DOCK4: variants seen among roughly 807,000 people sequenced by gnomAD.
DOCK4 encodes dedicator of cytokinesis protein 4.
A neutral mutation model predicts 268.1 loss-of-function variants in DOCK4; 97 were observed. The observed-to-expected ratio is 0.36, with a 90% CI of 0.31 to 0.43. The LOEUF is 0.43. Ranked by LOEUF, DOCK4 falls within the 20% of genes least tolerant of loss-of-function variation. The pLI is 1.00. For missense variants in DOCK4, 2,145 were observed against 2,455.7 expected, an observed-to-expected ratio of 0.87 and a Z score of 2.67; for synonymous variants, 954 against 887.2, an observed-to-expected ratio of 1.08 and a Z score of -1.34.
chr7:112,110,791 G>A (rs1328246102), intron 1 of DOCK4, among the ~76,000 whole-genome samples: 1 of 152,150 alleles, frequency 6.6e-6, no homozygotes, highest in Non-Finnish European at 1.5e-5. Flanking sequence ...AGTATCCACT[G>A]CTTGGGGAAG....
At chr7:111,853,936 GGT>G (rs1804793131) in intron 23 of DOCK4, among the ~76,000 whole-genome samples, 2 of 148,464 alleles carry the variant, frequency 1.3e-5, no homozygotes, top group Admixed American at 6.7e-5. Context: ...GTTGTTGTTT[GGT>G]TTTTTTTTTG....
intron 1 of DOCK4, among the ~76,000 whole-genome samples, chr7:112,059,079 T>G (rs1456913529): frequency 6.6e-6 from 1 of 151,740 alleles, no homozygotes; most frequent in Non-Finnish European, 1.5e-5. Context: ...GCTACAATAA[T>G]GCTTTTAAGC....
intron 1 of DOCK4, among the ~76,000 whole-genome samples, chr7:112,079,210 C>T (rs1421656895): frequency 1.3e-5 from 2 of 152,082 alleles, no homozygotes; most frequent in African/African-American, 4.8e-5. Flanking sequence ...AAAAGTTATA[C>T]AAATACAAGT....
intron 26 of DOCK4, among the ~76,000 whole-genome samples, chr7:111,823,406 C>T (rs1393610087): frequency 6.6e-6 from 1 of 151,894 alleles, no homozygotes; most frequent in African/African-American, 2.4e-5. Flanking sequence ...CGGGGTTTCA[C>T]CATGTTGACC....
chr7:111,796,039 C>T (rs1448453235), intron 30 of DOCK4, among the ~76,000 whole-genome samples: 1 of 152,170 alleles, frequency 6.6e-6, no homozygotes, highest in African/African-American at 2.4e-5. Flanking sequence ...GACCAAGGTC[C>T]TCATGATCTC....
chr7:111,963,188 T>C (rs1309884130), intron 8 of DOCK4, among the ~76,000 whole-genome samples: 1 of 152,114 alleles, frequency 6.6e-6, no homozygotes, highest in African/African-American at 2.4e-5. Flanking sequence ...AAAAATTTAC[T>C]GTCTAGGAGG....
chr7:112,077,607 T>C (rs1414530406), intron 1 of DOCK4, among the ~76,000 whole-genome samples: 1 of 152,136 alleles, frequency 6.6e-6, no homozygotes, highest in Non-Finnish European at 1.5e-5. Flanking sequence ...TATAAAATCA[T>C]GTTTTAAACC....
chr7:111,749,776 C>T (rs964431130), intron 42 of DOCK4, among the ~76,000 whole-genome samples: 1 of 152,062 alleles, frequency 6.6e-6, no homozygotes, highest in African/African-American at 2.4e-5. Context: ...ACATCCAACC[C>T]CAGTATAATT....
At chr7:111,802,886 C>T (rs1563526088) in intron 30 of DOCK4, among the ~76,000 whole-genome samples, 1 of 152,074 alleles carries the variant, frequency 6.6e-6, no homozygotes, top group Non-Finnish European at 1.5e-5. Context: ...TTCTAGAGTA[C>T]TTTAAAGCAG....
At chr7:112,091,374 G>A (rs1427996127) in intron 1 of DOCK4, among the ~76,000 whole-genome samples, 2 of 152,114 alleles carry the variant, frequency 1.3e-5, no homozygotes, top group African/African-American at 4.8e-5. Flanking sequence ...AGATGTCTGG[G>A]CATTCCTAGG....
At position 111,739,109 on chromosome 7, in the gene DOCK4, A is replaced by G. The variant is rs1795710465; in HGVS notation, c.5232+25T>C. 6 of 1,581,874 alleles carry G rather than the reference A, an allele frequency of 3.8e-6. No homozygotes were observed. In the East Asian group the frequency reaches 1.3e-4, roughly 35 times the overall value. ...AATTCCAGAATTGTCCTTGTTTTCTAGTTTCTCTACCCTACAAGGAGTACC... is the reference window on the plus strand; with the variant it reads ...AATTCCAGAATTGTCCTTGTTTTCTGGTTTCTCTACCCTACAAGGAGTACC... On this transcript the variant is annotated intron_variant, in intron 49 of 52. Coordinates refer to ENST00000428084, the MANE Select transcript of DOCK4 (RefSeq NM_001363540.2).
chr7:112,037,861 T>A (rs904827436), intron 1 of DOCK4, among the ~76,000 whole-genome samples: 3 of 152,212 alleles, frequency 2.0e-5, no homozygotes, highest in Non-Finnish European at 4.4e-5. Context: ...CCACCAGGAC[T>A]GTATGAAAGT....
chr7:111,778,971 C>T lies in DOCK4; in HGVS notation c.3586-602G>A, dbSNP rs201050690. Reference sequence around the variant, plus strand: ...TTGGGAGGCTGAGGCAGGAGAATCGCTTGAACCCAGGAGGTGGAGGCTGCA... The same window carrying T: ...TTGGGAGGCTGAGGCAGGAGAATCGTTTGAACCCAGGAGGTGGAGGCTGCA... On this transcript the variant is annotated intron_variant, in intron 35 of 52. Coordinates refer to ENST00000428084, the MANE Select transcript of DOCK4 (RefSeq NM_001363540.2). Among the ~76,000 whole-genome samples, 35 of 152,116 alleles carry T rather than the reference C, an allele frequency of 2.3e-4. No homozygotes were observed. The East Asian group carries it at 5.8e-3, about 25-fold the overall frequency.
chr7:111,756,529 G>T (rs1797032340), intron 41 of DOCK4, among the ~76,000 whole-genome samples: 1 of 119,808 alleles, frequency 8.3e-6, no homozygotes, highest in African/African-American at 3.0e-5. Flanking sequence ...GTTAATAGAG[G>T]CAAATCTGTA....
intron 12 of DOCK4, among the ~76,000 whole-genome samples, chr7:111,917,237 C>T (rs530209845): frequency 2.5e-3 from 379 of 151,962 alleles, no homozygotes; most frequent in African/African-American, 8.8e-3. Flanking sequence ...CTGCCCTCCT[C>T]GGCCTCCCAA....
At chr7:112,074,817 A>C (rs984687768) in intron 1 of DOCK4, among the ~76,000 whole-genome samples, 1 of 152,202 alleles carries the variant, frequency 6.6e-6, no homozygotes, top group Non-Finnish European at 1.5e-5. Flanking sequence ...CCAGGCCCAC[A>C]GGGATCATCT....
intron 1 of DOCK4, among the ~76,000 whole-genome samples, chr7:112,133,200 C>T (rs1347073244): frequency 6.6e-6 from 1 of 152,080 alleles, no homozygotes; most frequent in African/African-American, 2.4e-5. Context: ...CATGTGGGTG[C>T]CTGCGGGAGC....
chr7:112,006,525 A>T (rs1387687765), intron 1 of DOCK4, among the ~76,000 whole-genome samples: 1 of 152,224 alleles, frequency 6.6e-6, no homozygotes, highest in Non-Finnish European at 1.5e-5. Context: ...ATGTGGGTGA[A>T]TTCTGATTTG....
intron 1 of DOCK4, among the ~76,000 whole-genome samples, chr7:112,039,763 A>G (rs1412977528): frequency 6.6e-6 from 1 of 152,168 alleles, no homozygotes; most frequent in African/African-American, 2.4e-5. Flanking sequence ...AAAATCAGAG[A>G]ACCTAGTTAC....
Sources: gnomAD v4.1 joint callset for allele counts (sites outside exome capture counted in the v4.1 genomes callset) on GRCh38, gnomAD v4.1.1 for gene constraint, MANE v1.5 for transcripts, NCBI Gene and HGNC (gene_info 2026-07-23, HGNC 2026-07-21) for gene names.